MKNK1: variants seen among roughly 807,000 people sequenced by gnomAD.
The protein encoded by MKNK1 is MAPK interacting serine/threonine kinase 1.
In MKNK1, 30 loss-of-function variants were observed where a neutral mutation model predicts 49.3. The ratio of observed to expected loss-of-function variants is 0.61; its 90% CI spans 0.46 to 0.83. The LOEUF is 0.83. MKNK1 is among the 40% of genes least tolerant of loss of function. The pLI, the probability that MKNK1 is intolerant of heterozygous loss-of-function variation, is 0.00. For synonymous variants in MKNK1, 176 were observed against 201.7 expected (o/e 0.87, Z 1.08); for missense variants, 423 against 524.7 (o/e 0.81, Z 1.89).
At chr1:46,573,759 A>T (rs1403243143) in intron 6 of MKNK1, 4 of 149,250 alleles carry the variant, frequency 2.7e-5, no homozygotes, top group Admixed American at 6.7e-5. Context: ...TTTGAGACAG[A>T]GTCTCACTCT....
At chr1:46,584,557 G>A (rs2148709551) in intron 2 of MKNK1, 1 of 143,976 alleles carries the variant, frequency 6.9e-6, no homozygotes, top group East Asian at 2.1e-4. Context: ...TTTGCCCATT[G>A]AGGGGAAAGG....
chr1:46,587,326 G>A (rs1446496123), intron 2 of MKNK1, among the ~76,000 whole-genome samples: 1 of 152,192 alleles, frequency 6.6e-6, no homozygotes, highest in East Asian at 1.9e-4. Flanking sequence ...GGTGGAAGTG[G>A]AACTGAAGAA....
intron 6 of MKNK1, 51 bp from the exon 7 acceptor site, chr1:46,572,218 A>C: frequency 2.0e-6 from 3 of 1,512,950 alleles, no homozygotes; most frequent in Non-Finnish European, 2.7e-6. Flanking sequence ...TCTAGTAAGT[A>C]TAAGTTTTTT....
At chr1:46,579,077 G>A (rs1370403096) in intron 4 of MKNK1, among the ~76,000 whole-genome samples, 3 of 152,132 alleles carry the variant, frequency 2.0e-5, no homozygotes, top group East Asian at 1.9e-4. Flanking sequence ...ACACTTAGGC[G>A]TATGTTTTAA....
At chr1:46,585,801 A>C (rs1672473770) in intron 2 of MKNK1, 1 of 779,816 alleles carries the variant, frequency 1.3e-6, no homozygotes, top group African/African-American at 1.8e-5. Context: ...TTGCACGAGA[A>C]GCATACCTCA....
At chr1:46,574,914 C>T in intron 6 of MKNK1, 33 bp downstream of exon 6, 1 of 1,434,596 alleles carries the variant, frequency 7.0e-7, no homozygotes, top group Non-Finnish European at 9.7e-7. Flanking sequence ...GGGTCTTAAT[C>T]AGAAGTCCAC....
intron 2 of MKNK1, among the ~76,000 whole-genome samples, chr1:46,592,323 T>C (rs2148748422): frequency 6.6e-6 from 1 of 152,354 alleles, no homozygotes; most frequent in South Asian, 2.1e-4. Flanking sequence ...ATCACCACCT[T>C]GACCAAGGCA....
intron 9 of MKNK1, among the ~76,000 whole-genome samples, chr1:46,564,501 A>C (rs1241891111): frequency 6.9e-5 from 4 of 57,936 alleles, no homozygotes; most frequent in Non-Finnish European, 9.0e-5. Context: ...TTTGAGACGG[A>C]GTTTTGCTCT....
At chr1:46,594,882 G>C (rs1201726552) in intron 1 of MKNK1, 1 of 409,022 alleles carries the variant, frequency 2.4e-6, no homozygotes, top group Non-Finnish European at 4.9e-6. Flanking sequence ...AGCTGCTTGG[G>C]AGGCTGAGGT....
Position 46,583,353 on chromosome 1 carries a change from G to C in MKNK1, c.-2-24C>G, listed in dbSNP as rs903523258. 2.6e-6 allele frequency: 4 copies of C among 1,562,292 alleles called. No homozygotes were observed. The African/African-American group carries it at 5.4e-5, about 21-fold the overall frequency. ...CTCTAGGAGATAAGAGGAGATGTAA[G>C]GGAAACATCACTGTACTGATCAAGC... On this transcript the variant is annotated intron_variant, in intron 2 of 12. Coordinates refer to ENST00000371945, the MANE Select transcript of MKNK1 (RefSeq NM_001135553.4).
intron 2 of MKNK1, among the ~76,000 whole-genome samples, chr1:46,591,559 G>A (rs1316558295): frequency 6.6e-6 from 1 of 152,142 alleles, no homozygotes; most frequent in Non-Finnish European, 1.5e-5. Flanking sequence ...GAGCAAGCAG[G>A]AGGAAAGGGC....
chr1:46,597,876 C>G (rs570618984), intron 1 of MKNK1, among the ~76,000 whole-genome samples: 57 of 152,196 alleles, frequency 3.7e-4, no homozygotes, highest in Non-Finnish European at 6.2e-4. Context: ...GTCACTGCCA[C>G]AAAGCAGAAA....
chr1:46,592,406 T>C (rs993968083), intron 2 of MKNK1, among the ~76,000 whole-genome samples: 2 of 152,242 alleles, frequency 1.3e-5, no homozygotes, highest in Non-Finnish European at 2.9e-5. Flanking sequence ...TCATTTTAAC[T>C]GTGCAGATTC....
chr1:46,560,389 G>C, intron 11 of MKNK1, 112 bp from the exon 12 acceptor site: 1 of 1,152,708 alleles, frequency 8.7e-7, no homozygotes. Context: ...GCAGCACAGG[G>C]AAATGGCTAT....
chr1:46,596,205 A>G (rs542209821), intron 1 of MKNK1, among the ~76,000 whole-genome samples: 1 of 152,306 alleles, frequency 6.6e-6, no homozygotes, highest in East Asian at 1.9e-4. Context: ...TTATGACTCA[A>G]TTTTGCATTT....
chr1:46,580,467 T>C (rs764817190), intron 4 of MKNK1, 63 bp downstream of exon 4: 2 of 1,134,940 alleles, frequency 1.8e-6, no homozygotes, highest in Non-Finnish European at 2.7e-6. Flanking sequence ...ATTTATTTGG[T>C]TCAAGATGAG....
chr1:46,561,940 T>C (rs939501403), intron 10 of MKNK1, among the ~76,000 whole-genome samples: 1 of 152,170 alleles, frequency 6.6e-6, no homozygotes, highest in African/African-American at 2.4e-5. Flanking sequence ...TAGAGGACTC[T>C]CTGTGAACCT....
chr1:46,565,120 A>G lies in MKNK1; in HGVS notation c.530T>C (p.Ile177Thr). 2 of 1,614,164 alleles carry G rather than the reference A, an allele frequency of 1.2e-6. No homozygotes were observed. Among genetic ancestry groups the G allele is most frequent in the Non-Finnish European group, 1.7e-6 (2 of 1,180,020 alleles). The change falls in exon 9 of 13, where the codon ATC (isoleucine) becomes ACC (threonine). Residue 177 changes from isoleucine (I) to threonine (T), a missense_variant. Ile to Thr is a moderately conservative substitution (Grantham distance 89). Coordinates refer to ENST00000371945, the MANE Select transcript of MKNK1 (RefSeq NM_001135553.4). ...ESPEKVSPVK[I>T]CDFDLGSGMK... ...CCCACTGCCCAAGTCAAAGTCACAG[A>G]TTTTCACTGGAGACACCTGAAAAGG... is the stretch of plus-strand genomic sequence containing the variant.
chr1:46,574,781 TATC>T, intron 6 of MKNK1, 163 bp downstream of exon 6: 1 of 581,660 alleles, frequency 1.7e-6, no homozygotes, highest in Non-Finnish European at 3.1e-6. Context: ...AAATGCTAAT[TATC>T]ATCCTTCCCT....
Sources: allele counts gnomAD v4.1 joint callset (sites outside exome capture counted in the v4.1 genomes callset), GRCh38; gene constraint gnomAD v4.1.1; transcripts MANE v1.5; gene names NCBI Gene and HGNC (gene_info 2026-07-23, HGNC 2026-07-21).